Variants in RNLS observed in about 807,000 individuals in gnomAD.
RNLS encodes renalase.
A neutral mutation model predicts 39.8 loss-of-function variants in RNLS; 39 were observed. The observed-to-expected ratio is 0.98, with a 90% CI of 0.76 to 1.28. The LOEUF (loss-of-function observed/expected upper bound fraction) is 1.28. Ranked by LOEUF, RNLS falls within the 50% of genes most tolerant of loss-of-function variation. The pLI is 0.00. For synonymous variants in RNLS, 147 were observed against 150.7 expected (o/e 0.98, Z 0.18); for missense variants, 410 against 413.3 (o/e 0.99, Z 0.07).
chr10:88,324,014 A>C (rs745942113), intron 5 of RNLS, among the ~76,000 whole-genome samples: 1 of 152,200 alleles, frequency 6.6e-6, no homozygotes, highest in Non-Finnish European at 1.5e-5. Context: ...GAGAAATGCA[A>C]ATCAAAATCG....
chr10:88,197,369 G>A, the RNLS span, among the ~76,000 whole-genome samples: 1 of 152,162 alleles, frequency 6.6e-6, no homozygotes, highest in South Asian at 2.1e-4. Flanking sequence ...TGCCCAATAT[G>A]GCACCTTCCT....
At chr10:88,411,425 C>T (rs1009962604) in intron 4 of RNLS, among the ~76,000 whole-genome samples, 10 of 151,966 alleles carry the variant, frequency 6.6e-5, no homozygotes, top group Admixed American at 5.9e-4. Context: ...GAGTCTAATT[C>T]TGTTTCATAC....
At chr10:88,412,937 A>G (rs776759221) in intron 4 of RNLS, among the ~76,000 whole-genome samples, 22 of 152,172 alleles carry the variant, frequency 1.4e-4, no homozygotes, top group Non-Finnish European at 2.8e-4. Context: ...AACTAGAAAT[A>G]CTTAAAGCAT....
chr10:88,187,734 G>T, the RNLS span, among the ~76,000 whole-genome samples: 1 of 152,172 alleles, frequency 6.6e-6, no homozygotes. Flanking sequence ...AGCTTATTCA[G>T]ACTAATACAC....
chr10:88,173,278 A>C, the RNLS span, among the ~76,000 whole-genome samples: 1 of 152,150 alleles, frequency 6.6e-6, no homozygotes, highest in African/African-American at 2.4e-5. Flanking sequence ...GCCTTTGTTA[A>C]AAAGCAGTTG....
At chr10:88,448,152 A>T (rs986590554) in intron 4 of RNLS, among the ~76,000 whole-genome samples, 4 of 152,354 alleles carry the variant, frequency 2.6e-5, no homozygotes, top group South Asian at 2.1e-4. Context: ...GCCAAAATTG[A>T]CAAATGGGAT....
rs372808003 is a variant in RNLS at position 88,495,197 on chromosome 10, G to A, written c.526+77706C>T. On this transcript the variant is annotated intron_variant, in intron 4 of 6. Transcript: ENST00000331772. Reference sequence around the variant, plus strand: ...AAATAATAAACTGGTACAACTTCTGGACAAAGATTTTTGTACAGGGACTTT... The same window carrying A: ...AAATAATAAACTGGTACAACTTCTGAACAAAGATTTTTGTACAGGGACTTT... Among the ~76,000 whole-genome samples the A allele has an allele frequency of 2.0e-4, 31 of 152,076 alleles. No homozygotes were observed. In the East Asian group the frequency reaches 5.2e-3, roughly 26 times the overall value.
chr10:88,254,017 C>T, the RNLS span, among the ~76,000 whole-genome samples: 3 of 152,340 alleles, frequency 2.0e-5, no homozygotes, highest in South Asian at 4.1e-4. Context: ...TAAATCCTTA[C>T]CTTTAAAAGT....
intron 4 of RNLS, among the ~76,000 whole-genome samples, chr10:88,435,681 G>A (rs1355243200): frequency 6.6e-6 from 1 of 152,092 alleles, no homozygotes; most frequent in Non-Finnish European, 1.5e-5. Context: ...GGACACAGCT[G>A]CAGGGCAAAA....
intron 4 of RNLS, among the ~76,000 whole-genome samples, chr10:88,430,887 T>C (rs543319416): frequency 6.6e-6 from 1 of 151,844 alleles, no homozygotes; most frequent in Non-Finnish European, 1.5e-5. Flanking sequence ...TTTGCTACAA[T>C]GTTTTTCAGA....
intron 4 of RNLS, among the ~76,000 whole-genome samples, chr10:88,494,332 T>C (rs1205335957): frequency 6.6e-6 from 1 of 152,160 alleles, no homozygotes; most frequent in East Asian, 1.9e-4. Flanking sequence ...ACCTATCCTT[T>C]CAGTAAGACA....
At chr10:88,269,512 C>G (rs1473668351), downstream of RNLS, among the ~76,000 whole-genome samples, 3 of 152,172 alleles carry the variant, frequency 2.0e-5, no homozygotes, top group Non-Finnish European at 4.4e-5. Context: ...CAAACTAGGG[C>G]CTGGCCTAAC....
rs146930922 is a variant in RNLS at position 88,359,694 on chromosome 10, T to G, written c.700+2858A>C. 2.2e-3 allele frequency among the ~76,000 whole-genome samples: 342 copies of G among 152,348 alleles called. 4 individuals are homozygous for G. Among genetic ancestry groups the G allele is most frequent in the African/African-American group, 7.7e-3 (322 of 41,580 alleles). ...TTGTATGATTGCTGATATAAAAAAT[T>G]TTTAAAATTCTATTATTTCAAATGC... On this transcript the variant is annotated intron_variant, in intron 5 of 6. Transcript: ENST00000331772.
the RNLS span, among the ~76,000 whole-genome samples, chr10:88,253,906 C>T: frequency 6.6e-6 from 1 of 152,164 alleles, no homozygotes; most frequent in Non-Finnish European, 1.5e-5. Flanking sequence ...GGTTATTAAT[C>T]TTTGTAGGAG....
chr10:88,361,421 C>T (rs534899213), intron 5 of RNLS, among the ~76,000 whole-genome samples: 2 of 152,078 alleles, frequency 1.3e-5, no homozygotes, highest in Non-Finnish European at 2.9e-5. Context: ...ATGAAATATA[C>T]ACAGGATAAT....
At chr10:88,309,270 C>T (rs1400218987) in intron 6 of RNLS, 7 of 353,520 alleles carry the variant, frequency 2.0e-5, no homozygotes, top group Non-Finnish European at 2.4e-5. Context: ...TACCCCTGAA[C>T]TTAAAAGTTA....
chr10:88,219,664 T>C, the RNLS span, among the ~76,000 whole-genome samples: 1 of 152,162 alleles, frequency 6.6e-6, no homozygotes, highest in East Asian at 1.9e-4. Flanking sequence ...TGAAGTTTTA[T>C]CTTTAAAAGC....
rs968269070 is a variant in RNLS, at chr10:88,347,606, A to AC, written c.700+14945dup. On this transcript the variant is annotated intron_variant, in intron 5 of 6. Transcript: ENST00000331772. ...CTGGGCTATCTTAATTTAAACACCA[A>AC]CCCCCCCCAATAAAAAAGCAATGAT... 7.6e-4 allele frequency among the ~76,000 whole-genome samples: 115 copies of AC among 150,700 alleles called. 1 individual carries two copies. Among genetic ancestry groups the AC allele is most frequent in the South Asian group, 7.6e-3 (36 of 4,738 alleles).
At position 88,420,596 on chromosome 10, in the gene RNLS, G is replaced by A. The variant is rs117054935; in HGVS notation, c.527-57871C>T. On this transcript the variant is annotated intron_variant, in intron 4 of 6. Transcript: ENST00000331772. ...TTTATCACATTGCCTTCTTCTCTGC[G>A]TATCTCTTAGGAGGACATTTATTGT... Among the ~76,000 whole-genome samples, 34 of 152,222 alleles carry A rather than the reference G, an allele frequency of 2.2e-4. No homozygotes were observed. In the East Asian group the frequency reaches 5.6e-3, roughly 25 times the overall value.
Sources: allele counts gnomAD v4.1 joint callset (sites outside exome capture counted in the v4.1 genomes callset), GRCh38; gene constraint gnomAD v4.1.1; transcripts MANE v1.5; gene names NCBI Gene and HGNC (gene_info 2026-07-23, HGNC 2026-07-21).